The following VCAN variants were observed in gnomAD, a reference collection of about 807,000 sequenced individuals.
VCAN encodes the protein versican.
In VCAN, 44 loss-of-function variants were observed where a neutral mutation model predicts 245.5. The observed-to-expected ratio is 0.18, with a 90% CI of 0.14 to 0.23. The LOEUF is 0.23. VCAN is among the 10% of genes least tolerant of loss of function. The pLI is 1.00. For missense variants in VCAN, 3,793 were observed against 4,057.9 expected (o/e 0.93, Z 1.77); for synonymous variants, 1,413 against 1,437.0 (o/e 0.98, Z 0.38).
intron 11 of VCAN, 33 bp downstream of exon 11, chr5:83,553,555 C>T (rs754533739): frequency 3.1e-6 from 5 of 1,613,448 alleles, no homozygotes. Flanking sequence ...TTTCCAGGAA[C>T]TTCACTTCTC....
intron 7 of VCAN, 125 bp from the exon 8 acceptor site, chr5:83,536,882 C>T (rs1746732184): frequency 3.9e-6 from 3 of 771,088 alleles, no homozygotes; most frequent in Non-Finnish European, 4.0e-6. Context: ...GGTGATTGCA[C>T]TTATTATGAA....
Position 83,493,944 on chromosome 5 carries a change from A to G in VCAN, c.748+13A>G. On this transcript the variant is annotated intron_variant, in intron 5 of 14. Transcript: ENST00000265077. ...GATCATCTGGATGGTAAGATGTTTGAGTTTCTATATCTTCGTATGAACTGA... is the reference window on the plus strand; with the variant it reads ...GATCATCTGGATGGTAAGATGTTTGGGTTTCTATATCTTCGTATGAACTGA... 6.2e-7 allele frequency: 1 copy of G among 1,613,962 alleles called. No homozygotes were observed. The highest frequency in any genetic ancestry group is 1.1e-5 in the South Asian group (1 of 91,006).
intron 5 of VCAN, 45 bp from the exon 6 acceptor site, chr5:83,512,058 T>A: frequency 1.2e-6 from 2 of 1,611,538 alleles, no homozygotes; most frequent in Non-Finnish European, 1.7e-6. Context: ...AGGAAAGGAA[T>A]GAATAATAAA....
At chr5:83,560,119 T>G (rs893302309) in intron 12 of VCAN, among the ~76,000 whole-genome samples, 1 of 152,140 alleles carries the variant, frequency 6.6e-6, no homozygotes, top group African/African-American at 2.4e-5. Flanking sequence ...GATGACAATT[T>G]TGTCCATGGT....
Position 83,542,266 on chromosome 5 carries a change from C to T in VCAN, c.9263C>T (p.Pro3088Leu), listed in dbSNP as rs763383482. Reference sequence around the variant, plus strand: ...GTGGAAGGCACGGCAATCTATTTACCAGGTAAGATCACAACATTGATAAAT... The same window carrying T: ...GTGGAAGGCACGGCAATCTATTTACTAGGTAAGATCACAACATTGATAAAT... ...ESVEGTAIYLPGPDRCKMNPC... is the reference protein window; with the variant it reads ...ESVEGTAIYLLGPDRCKMNPC... The change falls in exon 8 of 15, where the codon CCA becomes CTA. Residue 3088 changes from proline to leucine, a missense_variant and splice_region_variant. Physicochemically the swap from Pro to Leu is moderately conservative, Grantham distance 98 (BLOSUM62 -3). Around this residue, in one of 5 missense-constraint regions of VCAN, gnomAD observed 3,182 missense variants for 3,250.3 expected, o/e 0.98. Transcript: ENST00000265077. 1.9e-6 allele frequency: 3 copies of T among 1,611,706 alleles called. No individual in the cohort carries two copies. The South Asian group carries it at 3.3e-5, about 18-fold the overall frequency.
chr5:83,494,505 T>G (rs190461929), intron 5 of VCAN, among the ~76,000 whole-genome samples: 2 of 152,350 alleles, frequency 1.3e-5, no homozygotes, highest in East Asian at 3.9e-4. Flanking sequence ...GTTAGAGATA[T>G]GAAATCAGTT....
intron 12 of VCAN, among the ~76,000 whole-genome samples, chr5:83,567,797 T>C (rs561402755): frequency 6.6e-6 from 1 of 152,342 alleles, no homozygotes; most frequent in African/African-American, 2.4e-5. Context: ...AGCATTTATT[T>C]TTCCCTAAGG....
intron 2 of VCAN, among the ~76,000 whole-genome samples, chr5:83,485,252 C>T (rs1744755030): frequency 6.6e-6 from 1 of 152,036 alleles, no homozygotes; most frequent in Non-Finnish European, 1.5e-5. Flanking sequence ...TACTTCTTAT[C>T]TACATGGAAC....
At chr5:83,572,333 A>C (rs2112499071) in intron 12 of VCAN, 83 bp from the exon 13 acceptor site, 42 of 1,526,324 alleles carry the variant, frequency 2.8e-5, no homozygotes, top group Non-Finnish European at 3.2e-5. Context: ...GTCTATTCCA[A>C]TTAGATTGTG....
intron 12 of VCAN, among the ~76,000 whole-genome samples, chr5:83,563,287 C>G (rs1028913330): frequency 6.6e-6 from 1 of 152,152 alleles, no homozygotes; most frequent in African/African-American, 2.4e-5. Context: ...GTACAAGGAT[C>G]AGAAGAAGGT....
Position 83,537,950 on chromosome 5 carries a change from A to T in VCAN, c.4947A>T (p.Glu1649Asp). 6.2e-7 allele frequency: 1 copy of T among 1,613,954 alleles called. No individual in the cohort carries two copies. The highest frequency in any genetic ancestry group is 1.7e-5 in the Admixed American group (1 of 59,966). The change falls in exon 8 of 15, where the codon GAA becomes GAT. Residue 1649 changes from glutamate to aspartate, a missense_variant. Glu to Asp is a conservative substitution (Grantham distance 45). Coordinates refer to ENST00000265077, the MANE Select transcript of VCAN (RefSeq NM_004385.5). ...TEGSGEAEED[E>D]DTMFTMVTDL... Reference sequence around the variant, plus strand: ...GCTCTGGAGAAGCAGAAGAAGATGAAGATACAATGTTCACCATGGTAACTG... The same window carrying T: ...GCTCTGGAGAAGCAGAAGAAGATGATGATACAATGTTCACCATGGTAACTG...
intron 7 of VCAN, among the ~76,000 whole-genome samples, chr5:83,534,888 A>G (rs1349191940): frequency 7.9e-6 from 1 of 126,884 alleles, no homozygotes; most frequent in Non-Finnish European, 1.7e-5. Flanking sequence ...CCTTCAATGC[A>G]AACTGAATTA....
intron 2 of VCAN, among the ~76,000 whole-genome samples, chr5:83,484,146 T>TG (rs1744711833): frequency 6.6e-6 from 1 of 152,228 alleles, no homozygotes; most frequent in South Asian, 2.1e-4. Flanking sequence ...TGAAGAAAGA[T>TG]GCTATCCAAG....
chr5:83,573,602 C>G (rs1460195106), intron 13 of VCAN, among the ~76,000 whole-genome samples: 3 of 151,952 alleles, frequency 2.0e-5, no homozygotes, highest in African/African-American at 7.3e-5. Flanking sequence ...ATTAGAGAAA[C>G]ATATAAAAAC....
At position 83,483,572 on chromosome 5, in the gene VCAN, C is replaced by T; in HGVS notation, c.54C>T (p.Thr18=). 1.2e-6 allele frequency: 2 copies of T among 1,613,278 alleles called. No individual in the cohort carries two copies. Among genetic ancestry groups the T allele is most frequent in the Non-Finnish European group, 1.7e-6 (2 of 1,179,516 alleles). Residue 18 remains threonine (T), a synonymous_variant, in exon 2 of 15, where the codon ACC becomes ACT. Coordinates refer to ENST00000265077, the MANE Select transcript of VCAN (RefSeq NM_004385.5). The part of the protein sequence containing the change: ...ILWMCSTLIV[T]HALHKVKVGK... ...GGATGTGTTCAACCTTAATAGTAAC[C>T]CATGCGCTACATAAAGGTGAGTGTG...
intron 1 of VCAN, among the ~76,000 whole-genome samples, chr5:83,475,362 A>G (rs1235067959): frequency 1.3e-5 from 2 of 152,198 alleles, no homozygotes; most frequent in Non-Finnish European, 2.9e-5. Flanking sequence ...GATCTTTTCC[A>G]TCACCTCAGA....
chr5:83,577,642 C>T (rs972609124), intron 13 of VCAN, among the ~76,000 whole-genome samples: 1 of 152,046 alleles, frequency 6.6e-6, no homozygotes, highest in Non-Finnish European at 1.5e-5. Flanking sequence ...TAAAGATATT[C>T]TATAGTTTCT....
chr5:83,485,507 A>C (rs1744763663), intron 2 of VCAN, among the ~76,000 whole-genome samples: 1 of 152,132 alleles, frequency 6.6e-6, no homozygotes, highest in Non-Finnish European at 1.5e-5. Context: ...TTGAAAATTC[A>C]GTTTTTGATA....
At chr5:83,526,621 T>C (rs1337085818) in intron 7 of VCAN, among the ~76,000 whole-genome samples, 1 of 152,254 alleles carries the variant, frequency 6.6e-6, no homozygotes, top group Non-Finnish European at 1.5e-5. Context: ...AATTAAGTTC[T>C]TAAAAGTAAA....
Sources: allele counts gnomAD v4.1 joint callset (sites outside exome capture counted in the v4.1 genomes callset), GRCh38; gene constraint gnomAD v4.1.1; regional missense constraint gnomAD v4.1.1; transcripts MANE v1.5; gene names NCBI Gene and HGNC (gene_info 2026-07-23, HGNC 2026-07-21).